CUL3: variants seen among roughly 807,000 people sequenced by gnomAD.
CUL3 encodes the protein cullin-3.
CUL3 carries 19 observed loss-of-function variants against 89.1 expected under a neutral mutation model. The ratio of observed to expected loss-of-function variants is 0.21; its 90% CI spans 0.15 to 0.31. CUL3 has a LOEUF of 0.31. CUL3 is among the 10% of genes least tolerant of loss of function. The pLI is 1.00. For synonymous variants in CUL3, 351 were observed against 308.4 expected (o/e 1.14, Z -1.45); for missense variants, 469 against 942.3 (o/e 0.50, Z 6.58).
intron 1 of CUL3, among the ~76,000 whole-genome samples, chr2:224,568,530 C>T: frequency 6.6e-6 from 1 of 152,128 alleles, no homozygotes; most frequent in Non-Finnish European, 1.5e-5. Context: ...TACAGGAAAA[C>T]GGTTGAATGT....
intron 1 of CUL3, among the ~76,000 whole-genome samples, chr2:224,576,038 ACTC>A (rs1695289904): frequency 1.3e-5 from 2 of 152,136 alleles, no homozygotes; most frequent in Non-Finnish European, 2.9e-5. Flanking sequence ...AAGGTATTAA[ACTC>A]CTCAATGACT....
At chr2:224,524,839 G>A (rs1693407396) in intron 3 of CUL3, among the ~76,000 whole-genome samples, 1 of 151,930 alleles carries the variant, frequency 6.6e-6, no homozygotes, top group Non-Finnish European at 1.5e-5. Flanking sequence ...AACCAAAGGG[G>A]AAAAACCCCA....
chr2:224,515,027 G>C (rs1040422117), intron 3 of CUL3, among the ~76,000 whole-genome samples: 1 of 152,062 alleles, frequency 6.6e-6, no homozygotes, highest in South Asian at 2.1e-4. Flanking sequence ...AAGCATCATA[G>C]CCAGGAAGAA....
chr2:224,569,853 G>T, intron 1 of CUL3: 2 of 990,618 alleles, frequency 2.0e-6, no homozygotes, highest in Non-Finnish European at 2.4e-6. Flanking sequence ...AGGGTGGGTG[G>T]GGGAAAGGGT....
intron 1 of CUL3, chr2:224,563,343 A>C (rs560954879): frequency 1.5e-5 from 7 of 462,488 alleles, no homozygotes; most frequent in African/African-American, 1.4e-4. Flanking sequence ...ATTTTCATTC[A>C]TTGTCATGGT....
intron 2 of CUL3, among the ~76,000 whole-genome samples, chr2:224,538,682 C>G (rs1693980440): frequency 6.6e-6 from 1 of 152,084 alleles, no homozygotes; most frequent in African/African-American, 2.4e-5. Context: ...AGGGGAGAGA[C>G]ATGGAAGAAC....
At position 224,582,839 on chromosome 2, in the gene CUL3, G is replaced by A. The variant is rs553307933; in HGVS notation, c.66+2105C>T. Among the ~76,000 whole-genome samples the A allele has an allele frequency of 1.4e-3, 212 of 152,238 alleles. 1 individual carries two copies. Among genetic ancestry groups the A allele is most frequent in the Middle Eastern group, 0.014 (4 of 294 alleles). On this transcript the variant is annotated intron_variant, in intron 1 of 15. Transcript: ENST00000264414. Reference sequence around the variant, plus strand: ...TGACAGACCCCCAGAACAGTGCCTGGCACATAATATTCAGTATTTGCTGAA... The same window carrying A: ...TGACAGACCCCCAGAACAGTGCCTGACACATAATATTCAGTATTTGCTGAA...
At position 224,478,196 on chromosome 2, in the gene CUL3, T is replaced by TCA. The variant is rs758732577; in HGVS notation, c.2175+2_2175+3dup. 1 of 1,610,550 alleles carries TCA rather than the reference T, an allele frequency of 6.2e-7. No individual in the cohort carries two copies. Among genetic ancestry groups the TCA allele is most frequent in the African/African-American group, 1.3e-5 (1 of 74,886 alleles). Reference sequence around the variant, plus strand: ...ATATTAGCCCAGTAGTGAAGAGTCCTCACCTCCGCTACTAGAACATTGTGC... The same window carrying TCA: ...ATATTAGCCCAGTAGTGAAGAGTCCTCACACCTCCGCTACTAGAACATTGTGC... On this transcript the variant is annotated splice_donor_region_variant and intron_variant, in intron 15 of 15. Coordinates refer to ENST00000264414, the MANE Select transcript of CUL3 (RefSeq NM_003590.5).
intron 2 of CUL3, 45 bp from the exon 3 acceptor site, chr2:224,535,686 A>G: frequency 9.1e-7 from 1 of 1,096,106 alleles, no homozygotes; most frequent in Non-Finnish European, 1.4e-6. Flanking sequence ...ACATCCACAC[A>G]CTCGTATATA....
At chr2:224,565,666 C>T (rs1324901860) in intron 1 of CUL3, among the ~76,000 whole-genome samples, 1 of 152,218 alleles carries the variant, frequency 6.6e-6, no homozygotes, top group Admixed American at 6.5e-5. Context: ...GGCACTGCTT[C>T]TTCTACATCT....
intron 13 of CUL3, among the ~76,000 whole-genome samples, chr2:224,491,526 T>A (rs1226573892): frequency 6.6e-6 from 1 of 152,232 alleles, no homozygotes; most frequent in Non-Finnish European, 1.5e-5. Context: ...GATAATTTTT[T>A]CAATTTCTTC....
intron 2 of CUL3, among the ~76,000 whole-genome samples, chr2:224,536,318 C>T (rs907510571): frequency 2.0e-5 from 3 of 152,188 alleles, no homozygotes; most frequent in Non-Finnish European, 4.4e-5. Flanking sequence ...TCACATGGCT[C>T]GTCCCACTCA....
chr2:224,565,165 C>T (rs74427738), intron 1 of CUL3, among the ~76,000 whole-genome samples: 2,340 of 152,246 alleles, frequency 0.015, 64 homozygotes, highest in African/African-American at 0.054. Context: ...TTACCAATAA[C>T]ATAAACAGTC....
intron 1 of CUL3, among the ~76,000 whole-genome samples, chr2:224,567,118 A>G (rs529013032): frequency 1.5e-4 from 23 of 152,356 alleles, no homozygotes; most frequent in African/African-American, 5.5e-4. Context: ...TCCACTAAAC[A>G]TAATGAAAAA....
intron 13 of CUL3, among the ~76,000 whole-genome samples, chr2:224,482,695 T>A (rs1691578626): frequency 6.6e-6 from 1 of 152,128 alleles, no homozygotes; most frequent in Non-Finnish European, 1.5e-5. Context: ...ATGTGAATGG[T>A]ATGAATAAAG....
At chr2:224,546,786 A>G (rs1380161741) in intron 2 of CUL3, among the ~76,000 whole-genome samples, 1 of 151,976 alleles carries the variant, frequency 6.6e-6, no homozygotes, top group Non-Finnish European at 1.5e-5. Flanking sequence ...CCCTAACATC[A>G]TTTCTCTTCC....
intron 11 of CUL3, chr2:224,499,699 G>A: frequency 4.7e-6 from 1 of 212,722 alleles, no homozygotes; most frequent in East Asian, 1.1e-4. Context: ...TACGGTCACT[G>A]CAAAAACTTC....
chr2:224,511,335 T>G lies in CUL3; in HGVS notation c.883+19A>C. On this transcript the variant is annotated intron_variant, in intron 6 of 15. Coordinates refer to ENST00000264414, the MANE Select transcript of CUL3 (RefSeq NM_003590.5). ...AGGCAGAGTAAGGATTTAATTATTTTTCAATCGGTAACACTTACCTTCTGT... is the reference window on the plus strand; with the variant it reads ...AGGCAGAGTAAGGATTTAATTATTTGTCAATCGGTAACACTTACCTTCTGT... 6.6e-7 allele frequency: 1 copy of G among 1,514,714 alleles called. No individual in the cohort carries two copies. Among genetic ancestry groups the G allele is most frequent in the Non-Finnish European group, 9.0e-7 (1 of 1,109,994 alleles). The allele number at this position is 1,514,714 out of a possible 1,614,324, so 93.8% of individuals were successfully genotyped here.
chr2:224,546,670 G>GGT (rs975673500), intron 2 of CUL3, among the ~76,000 whole-genome samples: 1 of 149,236 alleles, frequency 6.7e-6, no homozygotes, highest in Non-Finnish European at 1.5e-5. Flanking sequence ...AATAGGATGG[G>GGT]GGGGGGTACT....
Sources: allele counts gnomAD v4.1 joint callset (sites outside exome capture counted in the v4.1 genomes callset), GRCh38; gene constraint gnomAD v4.1.1; transcripts MANE v1.5; gene names NCBI Gene and HGNC (gene_info 2026-07-23, HGNC 2026-07-21).